NCAPG: variants seen among roughly 807,000 people sequenced by gnomAD.
NCAPG encodes condensin complex subunit 3.
In NCAPG, 69 loss-of-function variants were observed where a neutral mutation model predicts 113.1. The ratio of observed to expected loss-of-function variants is 0.61; its 90% CI spans 0.50 to 0.75. The LOEUF (loss-of-function observed/expected upper bound fraction) is 0.75, where lower values mean the gene tolerates loss of function less well. NCAPG is among the 30% of genes least tolerant of loss of function. NCAPG has a pLI of 0.00. For synonymous variants in NCAPG, 370 were observed against 415.8 expected (o/e 0.89, Z 1.34); for missense variants, 1,058 against 1,177.0 (o/e 0.90, Z 1.48).
At chr4:17,831,626 C>T (rs1314545927) in intron 13 of NCAPG, among the ~76,000 whole-genome samples, 2 of 151,972 alleles carry the variant, frequency 1.3e-5, no homozygotes, top group South Asian at 2.1e-4. Context: ...AGTACAAGAG[C>T]GAACCACGTG....
chr4:17,815,153 G>T, intron 4 of NCAPG, 121 bp from the exon 5 acceptor site: 2 of 1,235,086 alleles, frequency 1.6e-6, no homozygotes, highest in Non-Finnish European at 2.3e-6. Context: ...ACTGTATTAA[G>T]TATGTTACCA....
At chr4:17,824,787 ATTGTT>A (rs3217048) in intron 9 of NCAPG, among the ~76,000 whole-genome samples, 176 bp from the exon 10 acceptor site, 22,990 of 151,702 alleles carry the variant, frequency 0.15, 1,921 homozygotes, top group South Asian at 0.24. Context: ...AGTCAGATAT[ATTGTT>A]TTGTTTTGTT....
Position 17,817,927 on chromosome 4 carries a change from T to G in NCAPG, c.969-12T>G. 1 of 1,588,374 alleles carries G rather than the reference T, an allele frequency of 6.3e-7. No individual in the cohort carries two copies. Among genetic ancestry groups the G allele is most frequent in the South Asian group, 1.2e-5 (1 of 86,232 alleles). On this transcript the variant is annotated splice_polypyrimidine_tract_variant and intron_variant, in intron 6 of 20. Coordinates refer to ENST00000251496, the MANE Select transcript of NCAPG (RefSeq NM_022346.5). ...ATCATGCTTTCTCTCACACTCTTTCTTTTAAATGAAGGAAATTGATTCCAG... is the reference window on the plus strand; with the variant it reads ...ATCATGCTTTCTCTCACACTCTTTCGTTTAAATGAAGGAAATTGATTCCAG...
At position 17,811,188 on chromosome 4, in the gene NCAPG, G is replaced by T. The variant is rs1206034613; in HGVS notation, c.111G>T (p.Thr37=). Residue 37 remains threonine, a splice_region_variant and synonymous_variant, in exon 1 of 21, where the codon ACG becomes ACT. Transcript: ENST00000251496. The surrounding 1 kb of genome is among the most constrained non-coding windows in gnomAD (Gnocchi z 5.3). ...LVVALSRTYR[T]MDDKTVFHEE... is the part of the protein sequence containing the mutation. ...TGGCGCTGAGCCGCACCTACCGCAC[G>T]GTAAGCGCTCCCGGCCCCGGCCGCC... The T allele has an allele frequency of 2.7e-6, 4 of 1,473,018 alleles. No homozygotes were observed. Among genetic ancestry groups the T allele is most frequent in the Admixed American group, 2.4e-5 (1 of 42,216 alleles). The allele number at this position is 1,473,018 out of a possible 1,614,324, so 91.2% of individuals were successfully genotyped here. A position where few individuals can be genotyped will look rare whatever the true frequency, so the allele number is the denominator to read the frequency against.
chr4:17,825,738 CTTAA>C (rs1326825285), intron 11 of NCAPG, among the ~76,000 whole-genome samples, 177 bp downstream of exon 11: 1 of 152,022 alleles, frequency 6.6e-6, no homozygotes, highest in Non-Finnish European at 1.5e-5. Flanking sequence ...TTTGAAAGGC[CTTAA>C]TTAACTTTAA....
At chr4:17,821,306 C>T (rs1300028748) in intron 7 of NCAPG, among the ~76,000 whole-genome samples, 2 of 152,030 alleles carry the variant, frequency 1.3e-5, no homozygotes, top group Non-Finnish European at 2.9e-5. Flanking sequence ...TACTAGAACC[C>T]AAAGGGTGGC....
intron 8 of NCAPG, 72 bp from the exon 9 acceptor site, chr4:17,823,575 A>C: frequency 7.5e-7 from 1 of 1,340,138 alleles, no homozygotes; most frequent in Non-Finnish European, 1.0e-6. Context: ...TTAAGTTTGC[A>C]GAGTAGGTGA....
intron 12 of NCAPG, among the ~76,000 whole-genome samples, chr4:17,829,187 G>T (rs1721774760): frequency 6.7e-6 from 1 of 149,976 alleles, no homozygotes; most frequent in African/African-American, 2.5e-5. Flanking sequence ...GCGCTGTTTT[G>T]TTGTTGTTGT....
At chr4:17,840,257 T>C (rs759134043) in intron 18 of NCAPG, 48 bp downstream of exon 18, 66 of 1,453,570 alleles carry the variant, frequency 4.5e-5, no homozygotes, top group South Asian at 6.3e-5. Context: ...TTTTTTTTTT[T>C]CCATCTTTAC....
Position 17,834,541 on chromosome 4 carries a change from C to T in NCAPG, c.2109+18C>T, listed in dbSNP as rs78915072. 13,522 of 1,420,016 alleles carry T rather than the reference C, an allele frequency of 9.5e-3. 1,069 individuals carry two copies. The African/African-American group carries it at 0.18, about 18-fold the overall frequency. The allele number at this position is 1,420,016 out of a possible 1,614,324, so 88.0% of individuals were successfully genotyped here. A position where few individuals can be genotyped will look rare whatever the true frequency, so the allele number is the denominator to read the frequency against. On this transcript the variant is annotated intron_variant, in intron 14 of 20. Transcript: ENST00000251496. ...ATAGTGAGGTAAGAAATAATCCAGT[C>T]CTGTGATTATGAAATGTCATTTTCA... is the stretch of plus-strand genomic sequence containing the variant.
At chr4:17,827,923 G>A (rs1026115352) in intron 11 of NCAPG, among the ~76,000 whole-genome samples, 3 of 150,560 alleles carry the variant, frequency 2.0e-5, no homozygotes, top group Non-Finnish European at 3.0e-5. Context: ...CTCGTGCCTC[G>A]GCCTCCCAAG....
chr4:17,822,913 T>A, intron 7 of NCAPG, 70 bp from the exon 8 acceptor site: 1 of 1,323,636 alleles, frequency 7.6e-7, no homozygotes, highest in East Asian at 2.5e-5. Context: ...TTTTCTGACC[T>A]AATGGTGGGA....
chr4:17,815,919 C>T (rs1721186369), intron 5 of NCAPG, among the ~76,000 whole-genome samples: 1 of 151,964 alleles, frequency 6.6e-6, no homozygotes, highest in African/African-American at 2.4e-5. Context: ...AGAGCTAATT[C>T]ATGTCAGAAG....
At position 17,839,758 on chromosome 4, in the gene NCAPG, A is replaced by G. The variant is rs909992178; in HGVS notation, c.2549A>G (p.Tyr850Cys). The G allele has an allele frequency of 6.3e-7, 1 of 1,585,774 alleles. No homozygotes were observed. Among genetic ancestry groups the G allele is most frequent in the Non-Finnish European group, 8.5e-7 (1 of 1,173,416 alleles). The change falls in exon 17 of 21, where the codon TAT becomes TGT. Residue 850 changes from tyrosine (Y) to cysteine (C), a missense_variant. Tyr to Cys is a radical substitution (Grantham distance 194, BLOSUM62 -2). Transcript: ENST00000251496. ...CCGTGCTCGCCAGAAATTCGAGTCT[A>G]TACAAAAGCCTTGAGTTCTTTAGAA... is the stretch of plus-strand genomic sequence containing the variant. ...TSPCSPEIRV[Y>C]TKALSSLELS...
rs1440292380 is a variant in NCAPG at position 17,818,059 on chromosome 4, G to A, written c.1089G>A (p.Glu363=). 7 of 1,612,736 alleles carry A rather than the reference G, an allele frequency of 4.3e-6. No individual in the cohort carries two copies. The highest frequency in any genetic ancestry group is 1.7e-5 in the Admixed American group (1 of 59,766). Reference sequence around the variant, plus strand: ...AATTTTTAGAGCAGATTTTGCCAGAGCCTGTAGTATATGCAGACTATTTAT... The same window carrying A: ...AATTTTTAGAGCAGATTTTGCCAGAACCTGTAGTATATGCAGACTATTTAT... The part of the protein sequence containing the change: ...GEEFLEQILP[E]PVVYADYLLS... The change falls in exon 7 of 21, where the codon GAG becomes GAA. Residue 363 remains glutamate, a synonymous_variant. Transcript: ENST00000251496.
At chr4:17,836,047 C>G (rs891943722) in intron 14 of NCAPG, among the ~76,000 whole-genome samples, 1 of 152,158 alleles carries the variant, frequency 6.6e-6, no homozygotes, top group African/African-American at 2.4e-5. Context: ...AACTGTTTTC[C>G]ACAGTGATTG....
chr4:17,830,874 T>C, intron 12 of NCAPG, 123 bp from the exon 13 acceptor site: 2 of 965,116 alleles, frequency 2.1e-6, no homozygotes. Context: ...TATATTGTTC[T>C]GTTTTAGCAA....
intron 16 of NCAPG, among the ~76,000 whole-genome samples, chr4:17,838,002 G>C (rs1442703146): frequency 6.6e-6 from 1 of 152,164 alleles, no homozygotes; most frequent in Non-Finnish European, 1.5e-5. Flanking sequence ...TAACATTTTT[G>C]CTACTGAAAA....
chr4:17,827,577 C>G (rs954713465), intron 11 of NCAPG, among the ~76,000 whole-genome samples: 1 of 151,990 alleles, frequency 6.6e-6, no homozygotes, highest in Non-Finnish European at 1.5e-5. Context: ...ATGGTGATGA[C>G]AGTATGAAGA....
Sources: gnomAD v4.1 joint callset for allele counts (sites outside exome capture counted in the v4.1 genomes callset) on GRCh38, gnomAD v4.1.1 for gene constraint, Gnocchi (gnomAD v3.1) non-coding constraint, MANE v1.5 for transcripts, NCBI Gene and HGNC (gene_info 2026-07-23, HGNC 2026-07-21) for gene names.